Variants in CSMD2 observed in about 807,000 individuals in gnomAD.
The protein encoded by CSMD2 is CUB and Sushi multiple domains 2, also known as CUB and sushi domain-containing protein 2.
A neutral mutation model predicts 398.5 loss-of-function variants in CSMD2; 130 were observed. The observed-to-expected ratio is 0.33, with a 90% confidence interval of 0.28 to 0.38. The LOEUF is 0.38. CSMD2 is among the 10% of genes least tolerant of loss of function. The pLI is 1.00. For missense variants in CSMD2, 3,829 were observed against 4,764.9 expected (o/e 0.80, Z 5.78); for synonymous variants, 1,828 against 1,908.5 (o/e 0.96, Z 1.10).
intron 4 of CSMD2, among the ~76,000 whole-genome samples, chr1:33,932,902 T>C (rs2125320963): frequency 6.6e-6 from 1 of 152,136 alleles, no homozygotes; most frequent in African/African-American, 2.4e-5. Flanking sequence ...AATTCTGAAA[T>C]GGGCTCAAGG....
chr1:33,706,787 C>CGT (rs933907714), intron 22 of CSMD2, among the ~76,000 whole-genome samples: 9 of 150,264 alleles, frequency 6.0e-5, no homozygotes, highest in African/African-American at 1.5e-4. Context: ...TGTGCATGTA[C>CGT]GTGTGTGTGT....
intron 7 of CSMD2, among the ~76,000 whole-genome samples, chr1:33,822,385 A>G (rs1658257285): frequency 6.6e-6 from 1 of 152,266 alleles, no homozygotes; most frequent in South Asian, 2.1e-4. Context: ...GAGGGAGTCT[A>G]CAGTTAGAGG....
At chr1:33,678,876 T>G (rs886750619) in intron 25 of CSMD2, among the ~76,000 whole-genome samples, 1 of 152,314 alleles carries the variant, frequency 6.6e-6, no homozygotes, top group South Asian at 2.1e-4. Context: ...GGTTATTTTC[T>G]AAAGTGGAAA....
intron 21 of CSMD2, among the ~76,000 whole-genome samples, chr1:33,714,133 G>A (rs12405664): frequency 0.3 from 45,880 of 151,962 alleles, 7,987 homozygotes; most frequent in Middle Eastern, 0.41. Flanking sequence ...AGTGAGCACC[G>A]CCATTGGATT....
chr1:33,659,467 A>T (rs1644057752), intron 26 of CSMD2, among the ~76,000 whole-genome samples: 1 of 152,252 alleles, frequency 6.6e-6, no homozygotes, highest in East Asian at 1.9e-4. Context: ...ACCACAGGAT[A>T]AATAATACTG....
chr1:33,707,673 A>T (rs1645832951), intron 22 of CSMD2, among the ~76,000 whole-genome samples: 2 of 139,176 alleles, frequency 1.4e-5, no homozygotes, highest in East Asian at 2.3e-4. Flanking sequence ...TCAAACACGC[A>T]CGCGTGCACA....
intron 37 of CSMD2, among the ~76,000 whole-genome samples, chr1:33,621,782 G>A (rs1278285751): frequency 6.6e-6 from 1 of 152,180 alleles, no homozygotes; most frequent in Non-Finnish European, 1.5e-5. Context: ...GAGTGAGGTA[G>A]CCAATGAAAG....
chr1:33,612,827 A>AC (rs1211938621), intron 40 of CSMD2, among the ~76,000 whole-genome samples: 1 of 146,002 alleles, frequency 6.8e-6, no homozygotes. Flanking sequence ...GACTACAGGC[A>AC]CCCGCCACCA....
intron 13 of CSMD2, among the ~76,000 whole-genome samples, chr1:33,746,052 C>G (rs559632794): frequency 3.3e-5 from 5 of 152,152 alleles, no homozygotes; most frequent in South Asian, 2.1e-4. Context: ...ACTAACCCCC[C>G]ACCATGTCTC....
intron 13 of CSMD2, among the ~76,000 whole-genome samples, chr1:33,766,411 A>G (rs1216534533): frequency 6.6e-6 from 1 of 152,226 alleles, no homozygotes; most frequent in Non-Finnish European, 1.5e-5. Flanking sequence ...AGCACCCACT[A>G]TGATGCCCAC....
intron 27 of CSMD2, among the ~76,000 whole-genome samples, chr1:33,656,432 C>T (rs1165591572): frequency 6.6e-6 from 1 of 152,210 alleles, no homozygotes; most frequent in East Asian, 1.9e-4. Flanking sequence ...AGGTCTCAAC[C>T]TCCTGCCCCA....
At chr1:34,121,223 A>G (rs552653843) in intron 1 of CSMD2, among the ~76,000 whole-genome samples, 18 of 152,338 alleles carry the variant, frequency 1.2e-4, no homozygotes, top group African/African-American at 3.8e-4. Context: ...CTTGGGGAAG[A>G]TAGAAAAGAG....
rs766378569 is a variant in CSMD2 at position 33,524,893 on chromosome 1, A to G, written c.10385T>C (p.Leu3462Pro). ...ATMIDHSGVE[L>P]HLAGTYKKED... The stretch of plus-strand genomic sequence containing the variant: ...GGCCTGCTCCTTACCAGCCAAGTGC[A>G]GCTCCACGCCACTGTGGTCGATCAT... Residue 3462 changes from leucine (L) to proline (P), a missense_variant, in exon 66 of 71, where the codon CTG becomes CCG. Physicochemically the swap from Leu to Pro is moderately conservative, Grantham distance 98. Around this residue, in one of 5 missense-constraint regions of CSMD2, gnomAD observed 917 missense variants for 1,199.5 expected, o/e 0.76. Transcript: ENST00000373381. The G allele has an allele frequency of 6.2e-7, 1 of 1,614,118 alleles. No homozygotes were observed. The highest frequency in any genetic ancestry group is 8.5e-7 in the Non-Finnish European group (1 of 1,180,022).
chr1:33,681,774 T>C (rs1644914991), intron 25 of CSMD2, among the ~76,000 whole-genome samples: 1 of 152,190 alleles, frequency 6.6e-6, no homozygotes, highest in South Asian at 2.1e-4. Flanking sequence ...TAGACCAGCC[T>C]GGCAAACATG....
At chr1:33,891,956 G>A (rs2125209388) in intron 5 of CSMD2, among the ~76,000 whole-genome samples, 2 of 148,450 alleles carry the variant, frequency 1.3e-5, no homozygotes, top group Middle Eastern at 6.8e-3. Context: ...GCTAAATGAC[G>A]AGTTAATGGG....
At chr1:33,749,843 G>T (rs752625225) in intron 13 of CSMD2, among the ~76,000 whole-genome samples, 2 of 152,184 alleles carry the variant, frequency 1.3e-5, no homozygotes, top group African/African-American at 4.8e-5. Flanking sequence ...TACTTAGTGG[G>T]TAGGTGGTTT....
intron 44 of CSMD2, 103 bp downstream of exon 44, chr1:33,600,762 C>A: frequency 1.7e-6 from 2 of 1,186,524 alleles, no homozygotes; most frequent in South Asian, 1.4e-5. Context: ...GGTTATACAA[C>A]TCACTCAAGG....
chr1:33,595,769 C>T (rs1483795535), intron 44 of CSMD2, among the ~76,000 whole-genome samples: 2 of 152,210 alleles, frequency 1.3e-5, no homozygotes, highest in Non-Finnish European at 2.9e-5. Context: ...ACTTTCTCTG[C>T]CCCAGGCTTG....
intron 10 of CSMD2, among the ~76,000 whole-genome samples, chr1:33,798,260 C>A (rs1397643806): frequency 6.6e-6 from 1 of 152,232 alleles, no homozygotes; most frequent in Non-Finnish European, 1.5e-5. Context: ...ACAGCTCAGA[C>A]ACCCAATTTA....
Sources: gnomAD v4.1 joint callset for allele counts (sites outside exome capture counted in the v4.1 genomes callset) on GRCh38, gnomAD v4.1.1 for gene constraint, gnomAD v4.1.1 regional missense constraint, MANE v1.5 for transcripts, NCBI Gene and HGNC (gene_info 2026-07-23, HGNC 2026-07-21) for gene names.